The following LINGO2 variants were observed in gnomAD, a reference collection of about 807,000 sequenced individuals.
LINGO2 encodes leucine rich repeat and Ig domain containing 2.
LINGO2 carries 14 observed loss-of-function variants against 30.6 expected under a neutral mutation model. That is an observed-to-expected ratio of 0.46 (90% CI 0.30 to 0.72). LINGO2 has a LOEUF of 0.72. LINGO2 is among the 30% of genes least tolerant of loss of function. The pLI, the probability that LINGO2 is intolerant of heterozygous loss-of-function variation, is 0.07. For synonymous variants in LINGO2, 317 were observed against 288.5 expected, an observed-to-expected ratio of 1.10 and a Z score of -1.00; for missense variants, 729 against 751.7, an observed-to-expected ratio of 0.97 and a Z score of 0.35.
At chr9:29,140,303 T>A in the LINGO2 span, among the ~76,000 whole-genome samples, 1 of 151,824 alleles carries the variant, frequency 6.6e-6, no homozygotes. Flanking sequence ...AGGAAGCTCA[T>A]GAAAATGATA....
At chr9:28,174,659 C>G (rs749703022) in intron 4 of LINGO2, among the ~76,000 whole-genome samples, 3 of 152,110 alleles carry the variant, frequency 2.0e-5, no homozygotes, top group African/African-American at 7.2e-5. Context: ...TCTCATTGTA[C>G]CCTGTACTAC....
chr9:28,036,949 G>T (rs1221652776), intron 4 of LINGO2, among the ~76,000 whole-genome samples: 1 of 152,196 alleles, frequency 6.6e-6, no homozygotes, highest in Non-Finnish European at 1.5e-5. Context: ...CAAATGAGAA[G>T]TTGGGTGTTT....
At chr9:29,018,743 G>T in the LINGO2 span, among the ~76,000 whole-genome samples, 2 of 147,192 alleles carry the variant, frequency 1.4e-5, no homozygotes, top group African/African-American at 4.9e-5. Flanking sequence ...TTATTACTTA[G>T]ATCTGAACGA....
At chr9:28,680,764 C>T in the LINGO2 span, among the ~76,000 whole-genome samples, 1 of 151,818 alleles carries the variant, frequency 6.6e-6, no homozygotes, top group Non-Finnish European at 1.5e-5. Flanking sequence ...TATTTATATG[C>T]CTTATTTTGA....
At chr9:28,847,641 T>C in the LINGO2 span, among the ~76,000 whole-genome samples, 4 of 144,746 alleles carry the variant, frequency 2.8e-5, no homozygotes, top group South Asian at 8.8e-4. Context: ...AATGAGTCCA[T>C]TGCACATTAT....
intron 1 of LINGO2, among the ~76,000 whole-genome samples, chr9:28,532,713 A>G (rs980754592): frequency 3.3e-5 from 5 of 152,122 alleles, no homozygotes; most frequent in Admixed American, 6.6e-5. Context: ...AAAGTTAACC[A>G]GCCCAGCCCG....
At chr9:28,507,977 CAT>C (rs1392917751) in intron 1 of LINGO2, among the ~76,000 whole-genome samples, 2 of 151,692 alleles carry the variant, frequency 1.3e-5, no homozygotes, top group African/African-American at 4.8e-5. Flanking sequence ...TATATTTTGT[CAT>C]ATTTGGAAAG....
the LINGO2 span, among the ~76,000 whole-genome samples, chr9:28,695,685 C>T: frequency 6.7e-6 from 1 of 149,114 alleles, no homozygotes; most frequent in Non-Finnish European, 1.5e-5. Flanking sequence ...ATAAAGCTGC[C>T]AATATTGTTG....
chr9:28,369,341 T>G (rs1043296553), intron 3 of LINGO2, among the ~76,000 whole-genome samples: 1 of 152,184 alleles, frequency 6.6e-6, no homozygotes, highest in Non-Finnish European at 1.5e-5. Context: ...TATGCATTAT[T>G]TATCCTTTAT....
chr9:28,802,416 G>T, the LINGO2 span, among the ~76,000 whole-genome samples: 8 of 151,930 alleles, frequency 5.3e-5, no homozygotes, highest in South Asian at 6.2e-4. Context: ...TCATTTAAAA[G>T]AAATAGCTTA....
At chr9:28,816,082 C>T in the LINGO2 span, among the ~76,000 whole-genome samples, 3 of 152,280 alleles carry the variant, frequency 2.0e-5, no homozygotes, top group East Asian at 5.8e-4. Context: ...GGAAAGGGAT[C>T]TCAGCCTTTT....
chr9:28,975,000 T>C, the LINGO2 span, among the ~76,000 whole-genome samples: 1 of 152,100 alleles, frequency 6.6e-6, no homozygotes, highest in Non-Finnish European at 1.5e-5. Flanking sequence ...TTGAAATATC[T>C]GGGCCCTAGG....
chr9:27,966,926 G>A (rs76097349), intron 5 of LINGO2, among the ~76,000 whole-genome samples: 2,479 of 152,170 alleles, frequency 0.016, 56 homozygotes, highest in African/African-American at 0.056. Flanking sequence ...AACTGGAGAA[G>A]AATTCTGTTA....
the LINGO2 span, among the ~76,000 whole-genome samples, chr9:28,871,870 G>A: frequency 6.6e-6 from 1 of 151,856 alleles, no homozygotes; most frequent in African/African-American, 2.4e-5. Flanking sequence ...AAAATGCTTG[G>A]TTCATAGTAG....
At chr9:28,684,605 A>C in the LINGO2 span, among the ~76,000 whole-genome samples, 2 of 139,174 alleles carry the variant, frequency 1.4e-5, no homozygotes, top group African/African-American at 5.4e-5. Context: ...TGCAACCTCC[A>C]CCTCCCAGGT....
chr9:28,698,853 G>A, the LINGO2 span, among the ~76,000 whole-genome samples: 1 of 151,850 alleles, frequency 6.6e-6, no homozygotes, highest in African/African-American at 2.4e-5. Flanking sequence ...ACCAACTTGG[G>A]CAACATCATG....
chr9:28,179,404 ATATAGTATACTATATG>A (rs1828840868), intron 4 of LINGO2, among the ~76,000 whole-genome samples: 1 of 139,056 alleles, frequency 7.2e-6, no homozygotes, highest in African/African-American at 2.6e-5. Context: ...ATACTATAGT[ATATAGTATACTATATG>A]TATGTATACT....
At chr9:28,176,305 A>C (rs868245168) in intron 4 of LINGO2, among the ~76,000 whole-genome samples, 7 of 152,178 alleles carry the variant, frequency 4.6e-5, no homozygotes, top group African/African-American at 1.4e-4. Flanking sequence ...GAGCTAGTTC[A>C]ATATATCATT....
chr9:28,272,273 C>T (rs1822968227), intron 4 of LINGO2, among the ~76,000 whole-genome samples: 1 of 152,130 alleles, frequency 6.6e-6, no homozygotes, highest in African/African-American at 2.4e-5. Flanking sequence ...GCCAAAAATA[C>T]TTCAGGGGCC....
Sources: gnomAD v4.1 joint callset for allele counts (sites outside exome capture counted in the v4.1 genomes callset) on GRCh38, gnomAD v4.1.1 for gene constraint, MANE v1.5 for transcripts, NCBI Gene and HGNC (gene_info 2026-07-23, HGNC 2026-07-21) for gene names.